Variants in MSN observed in about 807,000 individuals in gnomAD.
The protein encoded by MSN is moesin.
MSN carries 2 observed loss-of-function variants against 48.0 expected under a neutral mutation model. That is an observed-to-expected ratio of 0.04 (90% CI 0.02 to 0.13). The LOEUF (loss-of-function observed/expected upper bound fraction) is 0.13. MSN is among the 10% of genes least tolerant of loss of function. The pLI is 1.00. For synonymous variants in MSN, 146 were observed against 166.9 expected, an observed-to-expected ratio of 0.87 and a Z score of 0.97; for missense variants, 267 against 470.1, an observed-to-expected ratio of 0.57 and a Z score of 3.99.
At chrX:65,650,780 A>G (rs757459006) in intron 1 of MSN, among the ~76,000 whole-genome samples, 1 of 112,443 alleles carries the variant, frequency 8.9e-6, no homozygotes, top group Admixed American at 9.4e-5. Context: ...TCTGGAGGTC[A>G]GAAGTTTAAA....
chrX:65,737,923 G>T (rs763943674), intron 10 of MSN, among the ~76,000 whole-genome samples: 1 of 111,996 alleles, frequency 8.9e-6, no homozygotes, highest in Non-Finnish European at 1.9e-5. Flanking sequence ...AGTTTCCAAG[G>T]GTTCTGTGAC....
At position 65,681,054 on chromosome X, in the gene MSN, A is replaced by AT. The variant is rs1417927802; in HGVS notation, c.12+13211dup. 2.9e-3 allele frequency among the ~76,000 whole-genome samples: 314 copies of AT among 107,882 alleles called. 2 individuals carry two copies. Among genetic ancestry groups the AT allele is most frequent in the African/African-American group, 9.0e-3 (268 of 29,755 alleles). 93.7% of individuals were successfully genotyped at this position (107,882 alleles called of 115,157 possible). A position where few individuals can be genotyped will look rare whatever the true frequency, so the allele number is the denominator to read the frequency against. ...GTATGAGCCACTGCACCTGGCCATG[A>AT]TTTTTTTTTTAACTGTGGAAAGCAA... On this transcript the variant is annotated intron_variant, in intron 1 of 12. Coordinates refer to ENST00000360270, the MANE Select transcript of MSN (RefSeq NM_002444.3).
chrX:65,632,271 G>A (rs919459195), intron 1 of MSN, among the ~76,000 whole-genome samples: 45 of 111,599 alleles, frequency 4.0e-4, no homozygotes, highest in Non-Finnish European at 7.5e-4. Context: ...CCCTTTTACC[G>A]TCTCTTCCTT....
chrX:65,741,086 A>G lies in MSN; in HGVS notation c.*1193A>G, dbSNP rs1377367472. On this transcript the variant is annotated 3_prime_UTR_variant, in exon 13 of 13. Coordinates refer to ENST00000360270, the MANE Select transcript of MSN (RefSeq NM_002444.3). The stretch of plus-strand genomic sequence containing the variant: ...ATCCCCTTCTCATCACTCCCCTCCA[A>G]AGAGGTGACTGGGCCCTGCCTCTGT... 7 of 166,339 alleles carry G rather than the reference A, an allele frequency of 4.2e-5. No homozygotes were observed. The highest frequency in any genetic ancestry group is 1.8e-4 in the African/African-American group (6 of 33,150). The allele number at this position is 166,339 out of a possible 1,213,427, so 13.7% of individuals were successfully genotyped here.
At chrX:65,691,942 C>A (rs376960495) in intron 1 of MSN, among the ~76,000 whole-genome samples, 1 of 111,958 alleles carries the variant, frequency 8.9e-6, no homozygotes, top group East Asian at 2.8e-4. Context: ...TAGACTTAGT[C>A]CAGAGGAGAA....
At chrX:65,667,626 A>T, upstream of MSN, 6 of 1,003,576 alleles carry the variant, frequency 6.0e-6, no homozygotes, top group Non-Finnish European at 7.6e-6. Flanking sequence ...GCCGGGCCAC[A>T]TAAAGGAGCG....
chrX:65,687,468 A>G (rs1456754952), intron 1 of MSN, among the ~76,000 whole-genome samples: 2 of 112,445 alleles, frequency 1.8e-5, no homozygotes, highest in African/African-American at 6.5e-5. Flanking sequence ...TAATCCAAAT[A>G]ACACATAATT....
Position 65,684,433 on chromosome X carries a change from TC to T in MSN, c.12+16581del, listed in dbSNP as rs199895760. 5.9e-3 allele frequency among the ~76,000 whole-genome samples: 644 copies of T among 109,629 alleles called. 7 individuals are homozygous for T. The highest frequency in any genetic ancestry group is 7.6e-3 in the Non-Finnish European group (397 of 52,282). On this transcript the variant is annotated intron_variant, in intron 1 of 12. Transcript: ENST00000360270. ...GTAGAACACTTTTTAAACATTAAAA[TC>T]TTTTTTTTCTTTTTTTTTTTTGAGG...
intron 1 of MSN, among the ~76,000 whole-genome samples, chrX:65,612,198 G>C (rs2070325708): frequency 1.0e-5 from 1 of 98,300 alleles, no homozygotes; most frequent in South Asian, 3.8e-4. Context: ...GTTATTGTGG[G>C]AAAAGGCTCA....
At chrX:65,591,079 C>G (rs185853395) in intron 1 of MSN, among the ~76,000 whole-genome samples, 95 of 111,506 alleles carry the variant, frequency 8.5e-4, no homozygotes, top group African/African-American at 2.8e-3. Context: ...GCCATTCATT[C>G]TCTCTATGTC....
chrX:65,711,291 A>C (rs1256497568), intron 1 of MSN, among the ~76,000 whole-genome samples: 1 of 110,804 alleles, frequency 9.0e-6, no homozygotes, highest in Non-Finnish European at 1.9e-5. Context: ...AACTCCAGAC[A>C]TCAGGTGATC....
rs111313861 is a variant in MSN at position 65,638,622 on chromosome X, T to G, written c.-22+50010T>G. ...CCAGACTGAGTGCAGTGGCACGATC[T>G]CAGCTCATGGCAACCTCCACCTCCT... On this transcript the variant is annotated intron_variant, in intron 1 of 3. Coordinates refer to the MSN transcript ENST00000609672. 4.0e-3 allele frequency among the ~76,000 whole-genome samples: 453 copies of G among 112,793 alleles called. 3 individuals are homozygous for G. Among genetic ancestry groups the G allele is most frequent in the African/African-American group, 0.014 (426 of 31,118 alleles).
chrX:65,639,615 A>C (rs2070632912), intron 1 of MSN, among the ~76,000 whole-genome samples: 2 of 111,620 alleles, frequency 1.8e-5, no homozygotes, highest in African/African-American at 6.5e-5. Flanking sequence ...CTCTTAGAGA[A>C]GACTGGCACC....
chrX:65,614,480 T>C (rs2148356186), intron 1 of MSN, among the ~76,000 whole-genome samples: 1 of 109,203 alleles, frequency 9.2e-6, no homozygotes, highest in South Asian at 4.0e-4. Flanking sequence ...GCCATATTCA[T>C]GATATTCTTT....
intron 1 of MSN, among the ~76,000 whole-genome samples, chrX:65,668,634 TG>T (rs1321840696): frequency 9.0e-6 from 1 of 111,620 alleles, no homozygotes; most frequent in Non-Finnish European, 1.9e-5. Context: ...GTGGTTGATT[TG>T]GGGATGCGTC....
In MSN at chrX:65,615,924, G is replaced by A. The variant is rs1320611059; in HGVS notation, c.-22+27312G>A. 2.7e-5 allele frequency among the ~76,000 whole-genome samples: 3 copies of A among 110,891 alleles called. No homozygotes were observed. The East Asian group carries it at 8.5e-4, about 31-fold the overall frequency. Reference sequence around the variant, plus strand: ...GATCCAGTTTCAGCTTTCTACATATGGCTAGCCAGTTTTCCCAGCACCATT... The same window carrying A: ...GATCCAGTTTCAGCTTTCTACATATAGCTAGCCAGTTTTCCCAGCACCATT... On this transcript the variant is annotated intron_variant, in intron 1 of 3. Transcript: ENST00000609672.
In MSN at chrX:65,601,696, T is replaced by C. The variant is rs999157577; in HGVS notation, c.-22+13084T>C. Among the ~76,000 whole-genome samples, 8 of 112,376 alleles carry C rather than the reference T, an allele frequency of 7.1e-5. No individual in the cohort carries two copies. The South Asian group carries it at 2.2e-3, about 30-fold the overall frequency. On this transcript the variant is annotated intron_variant, in intron 1 of 3. Transcript: ENST00000609672. ...AGGTTGACAGGCTGGGCTGAACCAG[T>C]GTGTTCTGGAAAGGCCAGGAATGAT... is the stretch of plus-strand genomic sequence containing the variant.
intron 1 of MSN, among the ~76,000 whole-genome samples, chrX:65,627,330 T>C (rs1052657963): frequency 1.0e-5 from 1 of 100,466 alleles, no homozygotes; most frequent in African/African-American, 4.8e-5. Flanking sequence ...ATGCTGCTGA[T>C]AAAGACATAC....
intron 7 of MSN, among the ~76,000 whole-genome samples, chrX:65,735,027 G>T (rs989633054): frequency 1.8e-5 from 2 of 112,202 alleles, no homozygotes; most frequent in African/African-American, 6.5e-5. Flanking sequence ...AAGATTGAAA[G>T]AAATTATGGG....
Sources: allele counts gnomAD v4.1 joint callset (sites outside exome capture counted in the v4.1 genomes callset), GRCh38; gene constraint gnomAD v4.1.1; transcripts MANE v1.5; gene names NCBI Gene and HGNC (gene_info 2026-07-23, HGNC 2026-07-21).